Variants in NKAIN2 observed in about 807,000 individuals in gnomAD.
NKAIN2 encodes sodium/potassium-transporting ATPase subunit beta-1-interacting protein 2.
A neutral mutation model predicts 32.6 loss-of-function variants in NKAIN2; 14 were observed. The observed-to-expected ratio is 0.43, with a 90% CI of 0.28 to 0.67. The LOEUF is 0.67. Ranked by LOEUF, NKAIN2 falls within the 30% of genes least tolerant of loss-of-function variation. NKAIN2 has a pLI of 0.17. For missense variants in NKAIN2, 198 were observed against 258.3 expected, an observed-to-expected ratio of 0.77 and a Z score of 1.60; for synonymous variants, 80 against 87.2, an observed-to-expected ratio of 0.92 and a Z score of 0.46.
At chr6:124,709,610 T>G (rs1775321005) in intron 4 of NKAIN2, among the ~76,000 whole-genome samples, 1 of 149,932 alleles carries the variant, frequency 6.7e-6, no homozygotes, top group Admixed American at 6.6e-5. Context: ...CTTCTAGATT[T>G]TCTAGTTTAT....
intron 1 of NKAIN2, among the ~76,000 whole-genome samples, chr6:123,911,797 A>ATGTG (rs1457542667): frequency 1.2e-4 from 12 of 103,348 alleles, no homozygotes; most frequent in African/African-American, 5.2e-4. Flanking sequence ...ATATATATAT[A>ATGTG]TATGTATATA....
intron 2 of NKAIN2, among the ~76,000 whole-genome samples, chr6:124,344,583 T>A (rs927371368): frequency 2.6e-5 from 4 of 151,950 alleles, no homozygotes; most frequent in Non-Finnish European, 5.9e-5. Context: ...TATTTTATTC[T>A]CTTTGAAGCA....
intron 3 of NKAIN2, among the ~76,000 whole-genome samples, chr6:124,382,119 A>T (rs1048829699): frequency 6.6e-6 from 1 of 151,364 alleles, no homozygotes; most frequent in African/African-American, 2.4e-5. Context: ...GCAATTACCC[A>T]TTTTTTTTGC....
At chr6:124,725,054 T>A (rs1776205123) in intron 4 of NKAIN2, among the ~76,000 whole-genome samples, 1 of 152,224 alleles carries the variant, frequency 6.6e-6, no homozygotes, top group Admixed American at 6.5e-5. Flanking sequence ...GAATTCCGAC[T>A]TGCCCCTTTC....
intron 1 of NKAIN2, among the ~76,000 whole-genome samples, chr6:124,241,492 A>G (rs925887258): frequency 2.0e-5 from 3 of 152,194 alleles, no homozygotes; most frequent in Admixed American, 2.0e-4. Flanking sequence ...ACTTCAAACT[A>G]TAATATAAGG....
At chr6:124,649,171 G>A (rs1011040152) in intron 3 of NKAIN2, among the ~76,000 whole-genome samples, 6 of 151,948 alleles carry the variant, frequency 3.9e-5, no homozygotes, top group Non-Finnish European at 8.8e-5. Context: ...GAAATCAGTA[G>A]TGAAAACCAA....
chr6:124,339,834 G>A (rs73571178), intron 2 of NKAIN2, among the ~76,000 whole-genome samples: 2,400 of 152,200 alleles, frequency 0.016, 77 homozygotes, highest in African/African-American at 0.056. Flanking sequence ...GAAGGTCGGG[G>A]GAGGCCAGGA....
chr6:123,882,126 A>G (rs990748044), intron 1 of NKAIN2, among the ~76,000 whole-genome samples: 19 of 152,212 alleles, frequency 1.2e-4, no homozygotes, highest in African/African-American at 2.9e-4. Context: ...GTTAGGACCA[A>G]CCTCCGCATA....
intron 3 of NKAIN2, among the ~76,000 whole-genome samples, chr6:124,466,477 T>C (rs1360683845): frequency 1.3e-5 from 2 of 152,122 alleles, no homozygotes; most frequent in Non-Finnish European, 2.9e-5. Flanking sequence ...GTTAATCTTC[T>C]TTTCTGTTGT....
intron 1 of NKAIN2, among the ~76,000 whole-genome samples, chr6:124,181,314 T>G (rs1048586356): frequency 1.3e-5 from 2 of 152,122 alleles, no homozygotes; most frequent in African/African-American, 2.4e-5. Context: ...GGGTCTATAA[T>G]GGGAGGGGAT....
At chr6:124,714,932 A>G (rs1236616465) in intron 4 of NKAIN2, among the ~76,000 whole-genome samples, 2 of 152,192 alleles carry the variant, frequency 1.3e-5, no homozygotes, top group African/African-American at 4.8e-5. Context: ...CAGTGATGGC[A>G]GTAGGCATTT....
intron 1 of NKAIN2, among the ~76,000 whole-genome samples, chr6:124,231,321 A>G (rs1373114658): frequency 6.6e-6 from 1 of 152,156 alleles, no homozygotes; most frequent in Non-Finnish European, 1.5e-5. Flanking sequence ...GGAGGAAGGG[A>G]CTTTCCTTGT....
intron 2 of NKAIN2, among the ~76,000 whole-genome samples, chr6:124,294,144 G>C (rs1443318198): frequency 2.0e-5 from 3 of 152,120 alleles, no homozygotes; most frequent in Admixed American, 6.6e-5. Flanking sequence ...CTACTGGTGA[G>C]AACCCAGTTC....
chr6:124,787,175 G>A (rs62431162), intron 4 of NKAIN2, among the ~76,000 whole-genome samples: 26,744 of 152,036 alleles, frequency 0.18, 3,042 homozygotes, highest in African/African-American at 0.32. Flanking sequence ...ATGAATTAGT[G>A]TCCATTAGTT....
intron 2 of NKAIN2, among the ~76,000 whole-genome samples, chr6:124,309,913 C>G (rs1462763955): frequency 1.3e-5 from 2 of 151,950 alleles, no homozygotes; most frequent in Non-Finnish European, 2.9e-5. Context: ...TACCTTTTGC[C>G]AGTCTTCTCA....
At chr6:124,700,507 A>G (rs1351497472) in intron 4 of NKAIN2, among the ~76,000 whole-genome samples, 1 of 152,170 alleles carries the variant, frequency 6.6e-6, no homozygotes, top group Admixed American at 6.6e-5. Flanking sequence ...GTCAGATTAC[A>G]AACCTCAGTT....
At chr6:124,213,013 C>CAA (rs749711468) in intron 1 of NKAIN2, among the ~76,000 whole-genome samples, 4 of 152,112 alleles carry the variant, frequency 2.6e-5, no homozygotes, top group Non-Finnish European at 5.9e-5. Flanking sequence ...TTTGCTTTTA[C>CAA]TTAGCTTCAA....
chr6:123,872,926 G>A (rs1416809280), intron 1 of NKAIN2, among the ~76,000 whole-genome samples: 2 of 152,064 alleles, frequency 1.3e-5, no homozygotes, highest in East Asian at 3.9e-4. Flanking sequence ...CTACATTCTG[G>A]TATCACACAC....
chr6:123,987,324 A>G (rs553094702), intron 1 of NKAIN2, among the ~76,000 whole-genome samples: 21 of 152,344 alleles, frequency 1.4e-4, no homozygotes, highest in Non-Finnish European at 2.2e-4. Flanking sequence ...ATTGTCTTGA[A>G]AAGGTGAACA....
Sources: allele counts gnomAD v4.1 joint callset (sites outside exome capture counted in the v4.1 genomes callset), GRCh38; gene constraint gnomAD v4.1.1; transcripts MANE v1.5; gene names NCBI Gene and HGNC (gene_info 2026-07-23, HGNC 2026-07-21).